Variants in IL17RE observed in about 807,000 individuals in gnomAD.
The protein encoded by IL17RE is interleukin 17 receptor E.
A neutral mutation model predicts 70.7 loss-of-function variants in IL17RE; 47 were observed. The ratio of observed to expected loss-of-function variants is 0.67; its 90% CI spans 0.53 to 0.85. The LOEUF (loss-of-function observed/expected upper bound fraction) is 0.85, where lower values mean the gene tolerates loss of function less well. Among genes scored for constraint, IL17RE ranks in the 40% least tolerant of loss-of-function variants. IL17RE has a pLI of 0.00. For synonymous variants in IL17RE, 372 were observed against 381.2 expected (o/e 0.98, Z 0.28); for missense variants, 850 against 893.9 (o/e 0.95, Z 0.63).
At chr3:9,912,795 G>A (rs2082923847) in intron 12 of IL17RE, among the ~76,000 whole-genome samples, 1 of 152,196 alleles carries the variant, frequency 6.6e-6, no homozygotes, top group African/African-American at 2.4e-5. Flanking sequence ...TGTGAGCTCA[G>A]GAGTCCAAGG....
chr3:9,915,228 C>T lies in IL17RE; in HGVS notation c.1448-23C>T, dbSNP rs1212511200. ...AGCAGTCCCTCAGCCGCCCAGCCTT[C>T]ATCTGTTGCTTCCCGCCACCAGGCC... is the stretch of plus-strand genomic sequence containing the variant. On this transcript the variant is annotated intron_variant, in intron 15 of 15. Coordinates refer to ENST00000383814, the MANE Select transcript of IL17RE (RefSeq NM_153480.2). This position sits in a 1 kb window ranked among gnomAD's most constrained non-coding sequence, Gnocchi z 4.9. 2.9e-6 allele frequency: 4 copies of T among 1,377,016 alleles called. No homozygotes were observed. The highest frequency in any genetic ancestry group is 3.7e-6 in the Non-Finnish European group (4 of 1,070,670). 85.3% of individuals were successfully genotyped at this position (1,377,016 alleles called of 1,614,324 possible).
rs2082960242 is a variant in IL17RE at position 9,914,340 on chromosome 3, T to C, written c.1297-208T>C. ...CAGCAGCCCTGGTCAACTTTGAGTTTACTTTTTGAGTTTGGCCCCTGTCAC... is the reference window on the plus strand; with the variant it reads ...CAGCAGCCCTGGTCAACTTTGAGTTCACTTTTTGAGTTTGGCCCCTGTCAC... On this transcript the variant is annotated intron_variant, in intron 13 of 15. Coordinates refer to ENST00000383814, the MANE Select transcript of IL17RE (RefSeq NM_153480.2). The C allele has an allele frequency of 5.1e-6, 7 of 1,373,612 alleles. No individual in the cohort carries two copies. In the East Asian group the frequency reaches 1.8e-4, roughly 34 times the overall value. 85.1% of individuals were successfully genotyped at this position (1,373,612 alleles called of 1,614,324 possible).
intron 12 of IL17RE, among the ~76,000 whole-genome samples, chr3:9,913,719 G>A (rs1415631621): frequency 6.6e-6 from 1 of 152,242 alleles, no homozygotes; most frequent in Non-Finnish European, 1.5e-5. Flanking sequence ...TTGGCACAGA[G>A]GACACACTCA....
chr3:9,915,372 C>A lies in IL17RE; in HGVS notation c.1569C>A (p.Ile523=), dbSNP rs2083010176. ...RAALGGGRDV[I]VDLWEGRHVA... ...CGCTGGGCGGCGGGCGCGACGTGAT[C>A]GTGGACCTGTGGGAGGGGAGGCACG... The change falls in exon 16 of 16, where the codon ATC becomes ATA. Residue 523 remains isoleucine (I), a synonymous_variant. Transcript: ENST00000383814. This position sits in a 1 kb window ranked among gnomAD's most constrained non-coding sequence, Gnocchi z 4.9. 2 of 1,366,186 alleles carry A rather than the reference C, an allele frequency of 1.5e-6. No individual in the cohort carries two copies. The highest frequency in any genetic ancestry group is 1.9e-6 in the Non-Finnish European group (2 of 1,069,376). 84.6% of individuals were successfully genotyped at this position (1,366,186 alleles called of 1,614,324 possible). A position where few individuals can be genotyped will look rare whatever the true frequency, so the allele number is the denominator to read the frequency against.
chr3:9,905,440 A>G (rs965944147), intron 3 of IL17RE, among the ~76,000 whole-genome samples: 1 of 152,290 alleles, frequency 6.6e-6, no homozygotes, highest in Admixed American at 6.5e-5. Flanking sequence ...TCCATGACAG[A>G]GCAAAATCCT....
At chr3:9,903,941 T>C (rs1281222804) in intron 2 of IL17RE, 91 bp from the exon 3 acceptor site, 1 of 1,484,244 alleles carries the variant, frequency 6.7e-7, no homozygotes, top group African/African-American at 1.4e-5. Context: ...ACTTCCAGGA[T>C]GTGACAGAGC....
rs763422498 is a variant in IL17RE at position 9,906,398 on chromosome 3, GAAATCCAA to G, written c.307_314del (p.Ser103ValfsTer8). On this transcript the variant is annotated frameshift_variant, in exon 4 of 16. Coordinates refer to ENST00000383814, the MANE Select transcript of IL17RE (RefSeq NM_153480.2). LOFTEE classifies it high-confidence loss of function. ...GGGGCCTCTTCCACCTCCTGGTGCA[GAAATCCAA>G]AAAGTCTTCCACATTCAAGTTCTAT... 1.2e-6 allele frequency: 2 copies of G among 1,614,020 alleles called. No individual in the cohort carries two copies. Among genetic ancestry groups the G allele is most frequent in the Admixed American group, 3.3e-5 (2 of 60,012 alleles).
intron 12 of IL17RE, among the ~76,000 whole-genome samples, chr3:9,912,758 G>A (rs1559275335): frequency 6.6e-6 from 1 of 152,202 alleles, no homozygotes; most frequent in African/African-American, 2.4e-5. Flanking sequence ...TCTCACACTT[G>A]TAGTCCCAGC....
chr3:9,902,779 G>A (rs1201058822), upstream of IL17RE: 3 of 1,543,420 alleles, frequency 1.9e-6, no homozygotes, highest in Non-Finnish European at 2.6e-6. Flanking sequence ...CTGGCTGGTT[G>A]GGATCAAGGA....
At chr3:9,911,796 T>G (rs2082900312) in intron 12 of IL17RE, 199 bp downstream of exon 12, 2 of 487,588 alleles carry the variant, frequency 4.1e-6, no homozygotes, top group East Asian at 6.4e-5. Context: ...TTTTCTTTTT[T>G]TTCTTTTTTT....
Position 9,906,719 on chromosome 3 carries a change from C to T in IL17RE, c.380C>T (p.Pro127Leu). ...CTCTGCCTTTAGAGGAAGCTGCTGCCTCGTCGTCACCTGTCTGAGAAGAGC... is the reference window on the plus strand; with the variant it reads ...CTCTGCCTTTAGAGGAAGCTGCTGCTTCGTCGTCACCTGTCTGAGAAGAGC... The part of the protein sequence containing the change: ...MPAPAQRKLL[P>L]RRHLSEKSHH... The change falls in exon 5 of 16, where the codon CCT becomes CTT. Residue 127 changes from proline (P) to leucine (L), a missense_variant. Physicochemically the swap from Pro to Leu is moderately conservative, Grantham distance 98. Transcript: ENST00000383814. 6.2e-7 allele frequency: 1 copy of T among 1,614,212 alleles called. No homozygotes were observed. The highest frequency in any genetic ancestry group is 8.5e-7 in the Non-Finnish European group (1 of 1,180,046).
At position 9,911,063 on chromosome 3, in the gene IL17RE, C is replaced by A; in HGVS notation, c.978+23C>A. On this transcript the variant is annotated intron_variant, in intron 9 of 15. Coordinates refer to ENST00000383814, the MANE Select transcript of IL17RE (RefSeq NM_153480.2). Reference sequence around the variant, plus strand: ...GGGGTGAGGACAGGTTCCCCCAGGACCAGGGTGGGCAGGGCTGGGGCCCAG... The same window carrying A: ...GGGGTGAGGACAGGTTCCCCCAGGAACAGGGTGGGCAGGGCTGGGGCCCAG... 1.9e-6 allele frequency: 3 copies of A among 1,614,118 alleles called. No individual in the cohort carries two copies. The South Asian group carries it at 3.3e-5, about 18-fold the overall frequency.
chr3:9,912,971 AG>A (rs2082927635), intron 12 of IL17RE, among the ~76,000 whole-genome samples: 1 of 147,962 alleles, frequency 6.8e-6, no homozygotes, highest in African/African-American at 2.7e-5. Flanking sequence ...AACACAGTTA[AG>A]GAGTTCATAG....
chr3:9,913,403 C>G (rs918492529), intron 12 of IL17RE, among the ~76,000 whole-genome samples: 3 of 145,540 alleles, frequency 2.1e-5, no homozygotes, highest in Non-Finnish European at 4.5e-5. Flanking sequence ...GACTCTGTCT[C>G]AAAAAATAAA....
At position 9,911,246 on chromosome 3, in the gene IL17RE, A is replaced by G; in HGVS notation, c.1027-9A>G. ...GAGCTTGCTAATCTGCCATTCCTGT[A>G]TTTCTCAGTTCTCTTTTGGAAACAG... On this transcript the variant is annotated splice_polypyrimidine_tract_variant and intron_variant, in intron 10 of 15. Transcript: ENST00000383814. 6.2e-7 allele frequency: 1 copy of G among 1,614,080 alleles called. No individual in the cohort carries two copies. Among genetic ancestry groups the G allele is most frequent in the Non-Finnish European group, 8.5e-7 (1 of 1,180,006 alleles).
rs762837033 is a variant in IL17RE at position 9,911,441 on chromosome 3, A to G, written c.1073-2A>G. 91 of 1,613,894 alleles carry G rather than the reference A, an allele frequency of 5.6e-5. No homozygotes were observed. The East Asian group carries it at 2.0e-3, about 36-fold the overall frequency. On this transcript the variant is annotated splice_acceptor_variant, in intron 11 of 15. Coordinates refer to ENST00000383814, the MANE Select transcript of IL17RE (RefSeq NM_153480.2). LOFTEE classifies it high-confidence loss of function. ...TCAACACCCCCACCCCGCCCCAAAC[A>G]GGGTCTCTCACATCCTGGAATGTAA...
rs61055041 is a variant in IL17RE, at chr3:9,908,460, C to T, written c.735+153C>T. On this transcript the variant is annotated intron_variant, in intron 7 of 15. Coordinates refer to ENST00000383814, the MANE Select transcript of IL17RE (RefSeq NM_153480.2). Reference sequence around the variant, plus strand: ...AGACCAGCGCCAGCTTGGCTGTGAGCCACACATGGGGTCAGAGGTGGAAGG... The same window carrying T: ...AGACCAGCGCCAGCTTGGCTGTGAGTCACACATGGGGTCAGAGGTGGAAGG... Among the ~76,000 whole-genome samples, 975 of 152,344 alleles carry T rather than the reference C, an allele frequency of 6.4e-3. 8 individuals carry two copies. The highest frequency in any genetic ancestry group is 0.022 in the African/African-American group (919 of 41,568).
chr3:9,910,352 G>C (rs1472476762), intron 8 of IL17RE: 1 of 158,460 alleles, frequency 6.3e-6, no homozygotes, highest in Non-Finnish European at 1.4e-5. Flanking sequence ...GGGTGACAGA[G>C]TGCAACTCCG....
chr3:9,905,094 C>CAAAAAAAAAAAAA (rs71626946), intron 3 of IL17RE, among the ~76,000 whole-genome samples: 3 of 56,162 alleles, frequency 5.3e-5, no homozygotes, highest in African/African-American at 1.4e-4. Flanking sequence ...GACCCTGTCT[C>CAAAAAAAAAAAAA]AAAAAAAAAA....
Sources: allele counts gnomAD v4.1 joint callset (sites outside exome capture counted in the v4.1 genomes callset), GRCh38; gene constraint gnomAD v4.1.1; non-coding constraint Gnocchi (gnomAD v3.1); transcripts MANE v1.5; gene names NCBI Gene and HGNC (gene_info 2026-07-23, HGNC 2026-07-21).